The following GPHN variants were observed in gnomAD, a reference collection of about 807,000 sequenced individuals.
GPHN encodes the protein gephyrin.
GPHN carries 17 observed loss-of-function variants against 95.5 expected under a neutral mutation model. The observed-to-expected ratio is 0.18, with a 90% CI of 0.12 to 0.27. The LOEUF (loss-of-function observed/expected upper bound fraction) is 0.27, where lower values mean the gene tolerates loss of function less well. GPHN is among the 10% of genes least tolerant of loss of function. The pLI, the probability that GPHN is intolerant of heterozygous loss-of-function variation, is 1.00. For synonymous variants in GPHN, 320 were observed against 322.5 expected, an observed-to-expected ratio of 0.99 and a Z score of 0.08; for missense variants, 660 against 978.1, an observed-to-expected ratio of 0.67 and a Z score of 4.34.
chr14:66,896,123 G>A (rs966041219), intron 5 of GPHN, among the ~76,000 whole-genome samples: 11 of 152,072 alleles, frequency 7.2e-5, no homozygotes, highest in Non-Finnish European at 1.5e-4. Context: ...TGAGGACAGA[G>A]TTAATCACCT....
the GPHN span, among the ~76,000 whole-genome samples, chr14:67,513,706 G>A: frequency 1.3e-5 from 2 of 152,110 alleles, no homozygotes; most frequent in South Asian, 2.1e-4. Context: ...ACAGGCAGGC[G>A]GGAGAGTCCT....
At chr14:67,392,568 T>C in the GPHN span, 18 of 1,284,256 alleles carry the variant, frequency 1.4e-5, no homozygotes, top group African/African-American at 2.2e-4. Context: ...AAGCCCAAGG[T>C]CTCCTCCCAT....
chr14:67,263,251 A>G, the GPHN span, among the ~76,000 whole-genome samples: 3 of 152,212 alleles, frequency 2.0e-5, no homozygotes, highest in African/African-American at 2.4e-5. Flanking sequence ...GAAAAGAATC[A>G]TGATGCTCTC....
At chr14:66,541,878 C>G (rs1424669177) in intron 1 of GPHN, among the ~76,000 whole-genome samples, 2 of 152,266 alleles carry the variant, frequency 1.3e-5, no homozygotes, top group Non-Finnish European at 2.9e-5. Context: ...AGATTCTGTT[C>G]CATTTGTGTC....
At chr14:67,428,209 G>A in the GPHN span, among the ~76,000 whole-genome samples, 3 of 151,898 alleles carry the variant, frequency 2.0e-5, no homozygotes, top group African/African-American at 7.3e-5. Flanking sequence ...ATGAGCCACC[G>A]TGCCCAGCTG....
At chr14:66,523,349 T>C (rs1034175957) in intron 1 of GPHN, among the ~76,000 whole-genome samples, 1 of 152,026 alleles carries the variant, frequency 6.6e-6, no homozygotes, top group Non-Finnish European at 1.5e-5. Context: ...ATAATAGTGA[T>C]TAAGGGGTAT....
At chr14:66,758,492 C>T (rs1049727916) in intron 2 of GPHN, among the ~76,000 whole-genome samples, 1 of 152,162 alleles carries the variant, frequency 6.6e-6, no homozygotes, top group Non-Finnish European at 1.5e-5. Flanking sequence ...AGGGAGCCAT[C>T]GTTTGAAGCT....
At chr14:66,650,472 C>T (rs7158610) in intron 1 of GPHN, among the ~76,000 whole-genome samples, 38,292 of 151,990 alleles carry the variant, frequency 0.25, 9,732 homozygotes, top group African/African-American at 0.62. Context: ...ATTTCATGAA[C>T]TTTTAGGAGA....
intron 22 of GPHN, among the ~76,000 whole-genome samples, chr14:67,180,404 T>C (rs2083264579): frequency 6.6e-6 from 1 of 152,136 alleles, no homozygotes. Flanking sequence ...AAATAAGGTG[T>C]TTAAGTAAAG....
At chr14:67,514,322 G>T in the GPHN span, among the ~76,000 whole-genome samples, 5 of 152,166 alleles carry the variant, frequency 3.3e-5, no homozygotes, top group Non-Finnish European at 7.4e-5. Context: ...AAGAGGGAAA[G>T]GAAGATACCT....
At chr14:66,744,842 A>G (rs1253760262) in intron 2 of GPHN, among the ~76,000 whole-genome samples, 1 of 147,864 alleles carries the variant, frequency 6.8e-6, no homozygotes, top group Admixed American at 6.8e-5. Context: ...TTAGAGATTC[A>G]ATATAGCAAT....
chr14:67,172,689 C>T (rs1331910269), intron 21 of GPHN, among the ~76,000 whole-genome samples: 1 of 152,134 alleles, frequency 6.6e-6, no homozygotes, highest in Non-Finnish European at 1.5e-5. Context: ...GACTACCCCC[C>T]TAGTGTCTGA....
intron 4 of GPHN, among the ~76,000 whole-genome samples, chr14:66,849,314 A>G (rs2062478153): frequency 1.3e-5 from 2 of 152,002 alleles, no homozygotes; most frequent in South Asian, 4.1e-4. Flanking sequence ...CCCTATCATT[A>G]AACATTTAGG....
the GPHN span, chr14:67,364,396 T>G: frequency 6.1e-6 from 1 of 164,660 alleles, no homozygotes; most frequent in East Asian, 1.8e-4. Context: ...GTTTTCTGAT[T>G]AGTTATAATA....
chr14:67,630,231 C>T, the GPHN span, among the ~76,000 whole-genome samples: 1 of 152,204 alleles, frequency 6.6e-6, no homozygotes, highest in Non-Finnish European at 1.5e-5. Flanking sequence ...TCATAGATAA[C>T]AGTGCCCATG....
chr14:66,523,055 C>T (rs2058545139), intron 1 of GPHN, among the ~76,000 whole-genome samples: 1 of 152,002 alleles, frequency 6.6e-6, no homozygotes, highest in African/African-American at 2.4e-5. Context: ...AGGAACATGC[C>T]TCATGTTTAC....
intron 18 of GPHN, among the ~76,000 whole-genome samples, chr14:67,151,816 G>A (rs1020138789): frequency 1.3e-5 from 2 of 151,990 alleles, no homozygotes; most frequent in Non-Finnish European, 2.9e-5. Context: ...GCTAATTTTT[G>A]TCTTTTTAGT....
rs75598772 is a variant in GPHN at position 66,629,023 on chromosome 14, C to G, written c.65-52084C>G. Among the ~76,000 whole-genome samples the G allele has an allele frequency of 2.7e-3, 394 of 147,664 alleles. 3 individuals are homozygous for G. The highest frequency in any genetic ancestry group is 9.1e-3 in the African/African-American group (362 of 39,900). ...CAGGTTGCAGTGAACTCTGATCTCA[C>G]CACTGCACTCCATCCAGCCTGGGAG... On this transcript the variant is annotated intron_variant, in intron 1 of 22. Transcript: ENST00000478722.
the GPHN span, chr14:67,412,323 C>A: frequency 2.5e-6 from 1 of 394,626 alleles, no homozygotes; most frequent in Non-Finnish European, 4.5e-6. Flanking sequence ...GCGGCCAACC[C>A]CGCCCCATCC....
Sources: allele counts gnomAD v4.1 joint callset (sites outside exome capture counted in the v4.1 genomes callset), GRCh38; gene constraint gnomAD v4.1.1; transcripts MANE v1.5; gene names NCBI Gene and HGNC (gene_info 2026-07-23, HGNC 2026-07-21).